GPC6: variants seen among roughly 807,000 people sequenced by gnomAD.
GPC6 encodes glypican-6.
In GPC6, 14 loss-of-function variants were observed where a neutral mutation model predicts 55.2. The observed-to-expected ratio is 0.25, with a 90% confidence interval of 0.17 to 0.40. The LOEUF (loss-of-function observed/expected upper bound fraction) is 0.40. Among genes scored for constraint, GPC6 ranks in the 10% least tolerant of loss-of-function variants. GPC6 has a pLI of 1.00. For missense variants in GPC6, 641 were observed against 708.5 expected, an observed-to-expected ratio of 0.90 and a Z score of 1.08; for synonymous variants, 278 against 259.6, an observed-to-expected ratio of 1.07 and a Z score of -0.68.
At chr13:93,383,361 A>G (rs1379789403) in intron 1 of GPC6, among the ~76,000 whole-genome samples, 2 of 152,078 alleles carry the variant, frequency 1.3e-5, no homozygotes, top group Non-Finnish European at 2.9e-5. Flanking sequence ...GCAGGTGTGC[A>G]CCACCACACC....
chr13:94,005,579 T>C (rs560031338), intron 3 of GPC6, among the ~76,000 whole-genome samples: 1 of 152,298 alleles, frequency 6.6e-6, no homozygotes, highest in Admixed American at 6.5e-5. Flanking sequence ...GCTCTTTCTT[T>C]AGTTGTACAA....
chr13:94,208,808 A>T (rs1053403888), intron 4 of GPC6, among the ~76,000 whole-genome samples: 2 of 149,430 alleles, frequency 1.3e-5, no homozygotes, highest in African/African-American at 4.9e-5. Context: ...GCTCCCAGCT[A>T]CTCGAGACGC....
chr13:94,266,382 A>T (rs1362146166), intron 4 of GPC6, among the ~76,000 whole-genome samples: 2 of 152,018 alleles, frequency 1.3e-5, no homozygotes, highest in Admixed American at 1.3e-4. Flanking sequence ...GTTAGCCAGG[A>T]TGGTCTCGAT....
chr13:93,795,572 A>G (rs1367445591), intron 2 of GPC6, among the ~76,000 whole-genome samples: 1 of 152,212 alleles, frequency 6.6e-6, no homozygotes, highest in South Asian at 2.1e-4. Context: ...ACAAATTAAC[A>G]AAAGGACTAG....
intron 2 of GPC6, among the ~76,000 whole-genome samples, chr13:93,779,324 C>G (rs2138904558): frequency 6.6e-6 from 1 of 152,228 alleles, no homozygotes; most frequent in South Asian, 2.1e-4. Flanking sequence ...AATTTACATC[C>G]AAAATAGCCT....
chr13:94,078,559 G>T (rs1197129950), intron 4 of GPC6, among the ~76,000 whole-genome samples: 1 of 151,646 alleles, frequency 6.6e-6, no homozygotes, highest in African/African-American at 2.4e-5. Flanking sequence ...TGAAAGAAGA[G>T]ACATTAAAAA....
intron 3 of GPC6, among the ~76,000 whole-genome samples, chr13:93,893,214 C>T (rs1176923888): frequency 6.6e-6 from 1 of 151,998 alleles, no homozygotes; most frequent in Non-Finnish European, 1.5e-5. Context: ...TGCCTGCCAC[C>T]ACGCGTGGCT....
chr13:93,784,581 G>A (rs184419880), intron 2 of GPC6, among the ~76,000 whole-genome samples: 1 of 152,252 alleles, frequency 6.6e-6, no homozygotes, highest in Admixed American at 6.5e-5. Context: ...CTAAGGCCGA[G>A]GTTTATTGGA....
At chr13:94,029,519 G>T (rs1883032394) in intron 4 of GPC6, among the ~76,000 whole-genome samples, 1 of 152,056 alleles carries the variant, frequency 6.6e-6, no homozygotes, top group African/African-American at 2.4e-5. Flanking sequence ...CTGATAAAAA[G>T]GTACACTCAT....
chr13:94,289,953 T>C (rs1204995236), intron 5 of GPC6, among the ~76,000 whole-genome samples: 2 of 152,204 alleles, frequency 1.3e-5, no homozygotes, highest in African/African-American at 4.8e-5. Flanking sequence ...CTTTGAGTTG[T>C]CTGAGAAATC....
intron 3 of GPC6, among the ~76,000 whole-genome samples, chr13:93,834,654 AAATT>A (rs1239765066): frequency 5.3e-5 from 8 of 152,146 alleles, no homozygotes; most frequent in African/African-American, 1.9e-4. Flanking sequence ...TTAATGAAAT[AAATT>A]AAGATGTAGA....
At chr13:93,418,713 T>C (rs930746672) in intron 1 of GPC6, among the ~76,000 whole-genome samples, 2 of 151,594 alleles carry the variant, frequency 1.3e-5, no homozygotes, top group Non-Finnish European at 2.9e-5. Flanking sequence ...ATTTTGTTAA[T>C]AGCACTATAC....
chr13:93,918,164 G>A (rs1014830330), intron 3 of GPC6, among the ~76,000 whole-genome samples: 2 of 151,996 alleles, frequency 1.3e-5, no homozygotes, highest in African/African-American at 4.8e-5. Context: ...TAGTATAGCT[G>A]ATAGGCCATC....
chr13:94,052,526 C>T (rs1446057173), intron 4 of GPC6, among the ~76,000 whole-genome samples: 1 of 152,066 alleles, frequency 6.6e-6, no homozygotes. Context: ...GACGAGGGAA[C>T]CATTTATTGT....
Position 94,027,794 on chromosome 13 carries a change from G to A in GPC6, c.777G>A (p.Gly259=), listed in dbSNP as rs1220285769. 3 of 1,614,074 alleles carry A rather than the reference G, an allele frequency of 1.9e-6. No homozygotes were observed. Among genetic ancestry groups the A allele is most frequent in the South Asian group, 1.1e-5 (1 of 91,070 alleles). ...TGCTGTACTGCCCATACTGTCGGGG[G>A]CTTCCCACTGTGAGGCCCTGCAACA... The part of the protein sequence containing the change: ...MKMLYCPYCR[G]LPTVRPCNNY... The change falls in exon 4 of 9, where the codon GGG becomes GGA. Residue 259 remains glycine, a synonymous_variant. Transcript: ENST00000377047.
chr13:93,894,071 G>A (rs183496666), intron 3 of GPC6, among the ~76,000 whole-genome samples: 1 of 152,268 alleles, frequency 6.6e-6, no homozygotes, highest in East Asian at 1.9e-4. Flanking sequence ...TGGTCACTAT[G>A]ATGATACTAC....
intron 4 of GPC6, among the ~76,000 whole-genome samples, chr13:94,246,870 A>G (rs763775467): frequency 6.6e-6 from 1 of 151,910 alleles, no homozygotes; most frequent in Non-Finnish European, 1.5e-5. Flanking sequence ...GTGGTTCTAT[A>G]TGAATTTTAG....
intron 3 of GPC6, among the ~76,000 whole-genome samples, chr13:93,869,099 G>T (rs1334788154): frequency 6.6e-6 from 1 of 151,792 alleles, no homozygotes; most frequent in Non-Finnish European, 1.5e-5. Flanking sequence ...TACATTGAAA[G>T]TGATTAGCCC....
At chr13:94,014,238 A>C (rs1326838744) in intron 3 of GPC6, among the ~76,000 whole-genome samples, 1 of 152,302 alleles carries the variant, frequency 6.6e-6, no homozygotes, top group East Asian at 1.9e-4. Flanking sequence ...TCCACCAACC[A>C]CCATTAGCAA....
Sources: gnomAD v4.1 joint callset for allele counts (sites outside exome capture counted in the v4.1 genomes callset) on GRCh38, gnomAD v4.1.1 for gene constraint, MANE v1.5 for transcripts, NCBI Gene and HGNC (gene_info 2026-07-23, HGNC 2026-07-21) for gene names.